Variants in MCM9 observed in about 807,000 individuals in gnomAD.
The protein encoded by MCM9 is minichromosome maintenance 9 homologous recombination repair factor, also known as DNA helicase MCM9.
A neutral mutation model predicts 72.8 loss-of-function variants in MCM9; 55 were observed. That is an observed-to-expected ratio of 0.76 (90% CI 0.61 to 0.95). The LOEUF (loss-of-function observed/expected upper bound fraction) is 0.95, where lower values mean the gene tolerates loss of function less well. MCM9 is among the 40% of genes least tolerant of loss of function. MCM9 has a pLI of 0.00. For synonymous variants in MCM9, 480 were observed against 503.4 expected (o/e 0.95, Z 0.62); for missense variants, 1,279 against 1,377.0 (o/e 0.93, Z 1.13).
chr6:118,829,275 A>T (rs1394699193), intron 9 of MCM9, 25 bp from the exon 10 acceptor site: 1 of 1,525,024 alleles, frequency 6.6e-7, no homozygotes, highest in Non-Finnish European at 8.9e-7. Context: ...AGTACAATTC[A>T]CTGATTGTGA....
At position 118,815,252 on chromosome 6, in the gene MCM9, C is replaced by A. The variant is rs901672093; in HGVS notation, c.3004G>T (p.Gly1002Ter). The A allele has an allele frequency of 7.7e-6, 12 of 1,550,500 alleles. No homozygotes were observed. The highest frequency in any genetic ancestry group is 1.0e-5 in the Non-Finnish European group (12 of 1,146,956). Residue 1002 changes from glycine to a stop codon, truncating the protein, a stop_gained, in exon 14 of 14, where the codon GGA becomes TGA. Coordinates refer to ENST00000619706, the MANE Select transcript of MCM9 (RefSeq NM_017696.3). LOFTEE classifies it low-confidence loss of function (END_TRUNC). ...EVSQQPPEKH[G>*]PREKVMCAPE... Reference sequence around the variant, plus strand: ...GCACACATCACCTTCTCTCTTGGTCCGTGTTTCTCTGGTGGCTGCTGCGAC... The same window carrying A: ...GCACACATCACCTTCTCTCTTGGTCAGTGTTTCTCTGGTGGCTGCTGCGAC...
At chr6:118,909,812 A>G (rs1476967103) in intron 8 of MCM9, among the ~76,000 whole-genome samples, 4 of 152,128 alleles carry the variant, frequency 2.6e-5, no homozygotes, top group Non-Finnish European at 5.9e-5. Flanking sequence ...TTTTTACCAT[A>G]ATCCATGGTA....
intron 8 of MCM9, among the ~76,000 whole-genome samples, chr6:118,888,849 T>A (rs1778772386): frequency 6.6e-6 from 1 of 152,128 alleles, no homozygotes; most frequent in African/African-American, 2.4e-5. Context: ...TAAGATTCCG[T>A]TTATATGAAA....
At chr6:118,857,197 T>C (rs1018279994) in intron 8 of MCM9, among the ~76,000 whole-genome samples, 2 of 152,226 alleles carry the variant, frequency 1.3e-5, no homozygotes, top group African/African-American at 4.8e-5. Flanking sequence ...GTGTGTACTA[T>C]ACGCTGTTTA....
Position 118,826,812 on chromosome 6 carries a change from C to A in MCM9, c.1785G>T (p.Thr595=). Residue 595 remains threonine (T), a synonymous_variant, in exon 12 of 14, where the codon ACG becomes ACT. Transcript: ENST00000619706. ...RDTVTLEDAI[T]VVSVMESSMQ... ...TTGAGGACTCCATGACTGACACCAC[C>A]GTAATAGCGTCTTCCAGAGTTACAG... is the stretch of plus-strand genomic sequence containing the variant. 1.3e-6 allele frequency: 2 copies of A among 1,550,290 alleles called. No homozygotes were observed. Among genetic ancestry groups the A allele is most frequent in the African/African-American group, 1.4e-5 (1 of 73,136 alleles).
chr6:118,823,357 G>T (rs74720876), intron 13 of MCM9, among the ~76,000 whole-genome samples: 3,415 of 152,228 alleles, frequency 0.022, 54 homozygotes, highest in Non-Finnish European at 0.035. Context: ...AAGTCCTCCG[G>T]GTCCTTGTAA....
At chr6:118,915,913 A>C (rs1023883719) in intron 6 of MCM9, among the ~76,000 whole-genome samples, 1 of 152,240 alleles carries the variant, frequency 6.6e-6, no homozygotes, top group Non-Finnish European at 1.5e-5. Context: ...GCCAGCACAA[A>C]GCACGTCTGA....
intron 3 of MCM9, among the ~76,000 whole-genome samples, chr6:118,929,453 T>C (rs1197234673): frequency 6.6e-6 from 1 of 152,210 alleles, no homozygotes; most frequent in Non-Finnish European, 1.5e-5. Flanking sequence ...CCTACTGATG[T>C]TTTGTTCAGT....
intron 8 of MCM9, chr6:118,910,530 T>C (rs987731158): frequency 1.3e-6 from 1 of 744,324 alleles, no homozygotes; most frequent in African/African-American, 1.9e-5. Flanking sequence ...TTACCAGTCA[T>C]CCACTTAGAT....
intron 7 of MCM9, chr6:118,912,969 A>C (rs1033145750): frequency 9.9e-6 from 2 of 201,836 alleles, no homozygotes; most frequent in Non-Finnish European, 2.0e-5. Context: ...CACTATTTCT[A>C]ATCTTTTTCC....
chr6:118,895,882 C>G (rs573589976), intron 8 of MCM9, among the ~76,000 whole-genome samples: 16 of 152,082 alleles, frequency 1.1e-4, no homozygotes, highest in Non-Finnish European at 1.9e-4. Flanking sequence ...ATGTATATAT[C>G]ATATGTAAGG....
intron 3 of MCM9, among the ~76,000 whole-genome samples, chr6:118,926,755 CTTGT>C (rs1781928829): frequency 6.6e-6 from 1 of 152,116 alleles, no homozygotes; most frequent in Non-Finnish European, 1.5e-5. Flanking sequence ...TATGCAAATT[CTTGT>C]TTGAACAGTT....
At chr6:118,900,901 A>G in intron 8 of MCM9, 4 of 1,472,128 alleles carry the variant, frequency 2.7e-6, no homozygotes, top group South Asian at 1.1e-5. Flanking sequence ...ATCTTGGTAA[A>G]TGTGTATGCC....
intron 8 of MCM9, among the ~76,000 whole-genome samples, chr6:118,881,386 C>T (rs1195350755): frequency 3.9e-5 from 6 of 152,058 alleles, no homozygotes; most frequent in Admixed American, 3.9e-4. Context: ...TATACACACC[C>T]TTCCAAAAAA....
intron 13 of MCM9, among the ~76,000 whole-genome samples, chr6:118,819,596 C>G (rs193163129): frequency 6.6e-6 from 1 of 152,276 alleles, no homozygotes; most frequent in East Asian, 1.9e-4. Context: ...TTTATTGTCT[C>G]TCTGCCAGGT....
At chr6:118,875,658 AAATAATAATAAT>A (rs369537070) in intron 8 of MCM9, among the ~76,000 whole-genome samples, 1 of 149,402 alleles carries the variant, frequency 6.7e-6, no homozygotes, top group Non-Finnish European at 1.5e-5. Context: ...ATAATAATTA[AAATAATAATAAT>A]AATAATAATA....
intron 6 of MCM9, among the ~76,000 whole-genome samples, 153 bp downstream of exon 6, chr6:118,917,408 G>C (rs905338161): frequency 6.6e-6 from 1 of 152,168 alleles, no homozygotes; most frequent in African/African-American, 2.4e-5. Flanking sequence ...AGGCTTCAAA[G>C]GGAGACTATA....
chr6:118,840,378 A>G (rs1414875100), intron 9 of MCM9, among the ~76,000 whole-genome samples: 1 of 152,004 alleles, frequency 6.6e-6, no homozygotes. Flanking sequence ...ATAACCTTTC[A>G]TTCTGTTAAG....
At chr6:118,911,098 C>A (rs905969909) in intron 8 of MCM9, 32 of 984,992 alleles carry the variant, frequency 3.2e-5, no homozygotes, top group Middle Eastern at 5.2e-4. Flanking sequence ...ATAATCAAAT[C>A]TTGACATTCT....
Sources: gnomAD v4.1 joint callset for allele counts (sites outside exome capture counted in the v4.1 genomes callset) on GRCh38, gnomAD v4.1.1 for gene constraint, MANE v1.5 for transcripts, NCBI Gene and HGNC (gene_info 2026-07-23, HGNC 2026-07-21) for gene names.